The following SPAG16 variants were observed in gnomAD, a reference collection of about 807,000 sequenced individuals.
The protein encoded by SPAG16 is sperm associated antigen 16, also known as sperm-associated antigen 16 protein.
SPAG16 carries 86 observed loss-of-function variants against 80.4 expected under a neutral mutation model. The ratio of observed to expected loss-of-function variants is 1.07; its 90% confidence interval spans 0.90 to 1.28. The LOEUF (loss-of-function observed/expected upper bound fraction) is 1.28. Ranked by LOEUF, SPAG16 falls within the 50% of genes most tolerant of loss-of-function variation. The pLI is 0.00. For missense variants in SPAG16, 870 were observed against 765.3 expected, an observed-to-expected ratio of 1.14 and a Z score of -1.61; for synonymous variants, 294 against 265.9, an observed-to-expected ratio of 1.11 and a Z score of -1.03.
chr2:213,907,733 C>G (rs544445865), intron 11 of SPAG16, among the ~76,000 whole-genome samples: 2 of 152,054 alleles, frequency 1.3e-5, no homozygotes, highest in Non-Finnish European at 2.9e-5. Flanking sequence ...ATGTATGAGC[C>G]TGGAGGACGT....
chr2:213,729,630 C>T (rs1051615975), intron 10 of SPAG16, among the ~76,000 whole-genome samples: 1 of 152,170 alleles, frequency 6.6e-6, no homozygotes. Flanking sequence ...CTAACTACAT[C>T]TGTCAGCTTA....
At chr2:213,794,350 A>C (rs1302117242) in intron 10 of SPAG16, among the ~76,000 whole-genome samples, 1 of 152,130 alleles carries the variant, frequency 6.6e-6, no homozygotes, top group Non-Finnish European at 1.5e-5. Flanking sequence ...TTTAATATAT[A>C]AATGACTGTT....
intron 13 of SPAG16, among the ~76,000 whole-genome samples, chr2:214,061,117 G>A (rs1318741048): frequency 6.6e-6 from 1 of 152,178 alleles, no homozygotes; most frequent in Non-Finnish European, 1.5e-5. Flanking sequence ...CCTTCATAGA[G>A]AAACTCGAAT....
intron 15 of SPAG16, among the ~76,000 whole-genome samples, chr2:214,164,723 A>G (rs547379628): frequency 6.6e-6 from 1 of 152,304 alleles, no homozygotes; most frequent in African/African-American, 2.4e-5. Context: ...GAGCTAATAT[A>G]TTTGATCTCA....
intron 9 of SPAG16, among the ~76,000 whole-genome samples, chr2:213,467,573 C>T (rs8179764): frequency 0.43 from 66,062 of 152,074 alleles, 15,453 homozygotes; most frequent in African/African-American, 0.6. Flanking sequence ...GAGGCCTGGA[C>T]TGGAGAGGAG....
chr2:213,296,140 G>C (rs1372671795), intron 2 of SPAG16, 30 bp downstream of exon 2: 2 of 1,458,926 alleles, frequency 1.4e-6, no homozygotes, highest in Admixed American at 3.4e-5. Flanking sequence ...TGTTTATTCT[G>C]TAAATTTATT....
At chr2:213,341,396 T>C (rs2064679445) in intron 6 of SPAG16, among the ~76,000 whole-genome samples, 1 of 152,198 alleles carries the variant, frequency 6.6e-6, no homozygotes, top group African/African-American at 2.4e-5. Flanking sequence ...TGAAATCTCT[T>C]ATGTCACATT....
chr2:213,657,961 C>A (rs2063280648), intron 10 of SPAG16, among the ~76,000 whole-genome samples: 1 of 152,180 alleles, frequency 6.6e-6, no homozygotes, highest in Admixed American at 6.5e-5. Flanking sequence ...GAATTAACTA[C>A]TCAGAATCCA....
chr2:214,278,000 C>G (rs1201903474), intron 15 of SPAG16, among the ~76,000 whole-genome samples: 1 of 152,188 alleles, frequency 6.6e-6, no homozygotes, highest in Non-Finnish European at 1.5e-5. Flanking sequence ...TTTACCTACT[C>G]AAGCCTCAGC....
chr2:214,001,970 C>T (rs2046809346), intron 12 of SPAG16, among the ~76,000 whole-genome samples: 1 of 152,126 alleles, frequency 6.6e-6, no homozygotes. Flanking sequence ...GGAGGCTTCA[C>T]AATTGTGGCT....
At chr2:214,270,174 C>T (rs888849497) in intron 15 of SPAG16, among the ~76,000 whole-genome samples, 1 of 152,130 alleles carries the variant, frequency 6.6e-6, no homozygotes, top group African/African-American at 2.4e-5. Flanking sequence ...CCAGTGCAGT[C>T]TACTTGTCTA....
At chr2:213,386,290 A>G (rs1473548154) in intron 9 of SPAG16, among the ~76,000 whole-genome samples, 1 of 152,106 alleles carries the variant, frequency 6.6e-6, no homozygotes, top group Non-Finnish European at 1.5e-5. Flanking sequence ...TTGAAATTTC[A>G]TTTGCAAAAC....
chr2:214,284,797 CTGTGTGTG>C lies in SPAG16; in HGVS notation c.1721-125314_1721-125307del, dbSNP rs34221048. On this transcript the variant is annotated intron_variant, in intron 15 of 15. Coordinates refer to ENST00000331683, the MANE Select transcript of SPAG16 (RefSeq NM_024532.5). ...TTTTAAGGTTGAATAATATTTTACT[CTGTGTGTG>C]TGTGTGTGTGTGTGTGTGTGTGTGT... Among the ~76,000 whole-genome samples, 793 of 149,852 alleles carry C rather than the reference CTGTGTGTG, an allele frequency of 5.3e-3. 13 individuals are homozygous for C. Among genetic ancestry groups the C allele is most frequent in the African/African-American group, 0.016 (651 of 40,786 alleles).
rs574305308 is a variant in SPAG16 at position 213,727,951 on chromosome 2, C to T, written c.1071-134534C>T. Reference sequence around the variant, plus strand: ...GCAACCTCCGTCTCCTGGGTTCAAGCGATTCTTCTTCTTCAGCCTCCTGAG... The same window carrying T: ...GCAACCTCCGTCTCCTGGGTTCAAGTGATTCTTCTTCTTCAGCCTCCTGAG... On this transcript the variant is annotated intron_variant, in intron 10 of 15. Transcript: ENST00000331683. Among the ~76,000 whole-genome samples, 99 of 152,112 alleles carry T rather than the reference C, an allele frequency of 6.5e-4. 1 individual carries two copies. The South Asian group carries it at 0.012, about 19-fold the overall frequency.
intron 12 of SPAG16, among the ~76,000 whole-genome samples, chr2:213,955,958 A>ATTATTTAT (rs561437715): frequency 8.6e-5 from 13 of 151,410 alleles, no homozygotes; most frequent in African/African-American, 3.1e-4. Flanking sequence ...GTTTTTATTT[A>ATTATTTAT]TTATTTATTT....
intron 13 of SPAG16, among the ~76,000 whole-genome samples, chr2:214,065,911 C>T (rs2050507495): frequency 1.3e-5 from 2 of 152,114 alleles, no homozygotes; most frequent in South Asian, 4.1e-4. Context: ...TTGTCAACCA[C>T]AAAATATCGT....
chr2:214,089,027 T>C (rs114934136), intron 13 of SPAG16, among the ~76,000 whole-genome samples: 2,557 of 152,218 alleles, frequency 0.017, 71 homozygotes, highest in African/African-American at 0.058. Context: ...TATTAAAGAA[T>C]AAGTAATAGA....
intron 9 of SPAG16, among the ~76,000 whole-genome samples, chr2:213,412,716 A>G (rs2069047522): frequency 6.6e-6 from 1 of 152,140 alleles, no homozygotes; most frequent in Non-Finnish European, 1.5e-5. Context: ...GCTTAGTTCT[A>G]GGACTGATTC....
At position 214,149,228 on chromosome 2, in the gene SPAG16, G is replaced by A. The variant is rs1340706558; in HGVS notation, c.1682G>A (p.Gly561Asp). 1.3e-6 allele frequency: 2 copies of A among 1,596,176 alleles called. No homozygotes were observed. Among genetic ancestry groups the A allele is most frequent in the East Asian group, 4.6e-5 (2 of 43,508 alleles). Reference sequence around the variant, plus strand: ...TTACCAATTGTGTCCATCGATATAGGTCCAAGTCCTGGCAATGAGGTGAAT... The same window carrying A: ...TTACCAATTGTGTCCATCGATATAGATCCAAGTCCTGGCAATGAGGTGAAT... ...KLLPIVSIDI[G>D]PSPGNEVNFD... The change falls in exon 15 of 16, where the codon GGT becomes GAT. Residue 561 changes from glycine to aspartate, a missense_variant. Transcript: ENST00000331683.
Sources: gnomAD v4.1 joint callset for allele counts (sites outside exome capture counted in the v4.1 genomes callset) on GRCh38, gnomAD v4.1.1 for gene constraint, MANE v1.5 for transcripts, NCBI Gene and HGNC (gene_info 2026-07-23, HGNC 2026-07-21) for gene names.